ZFHX3: variants seen among roughly 807,000 people sequenced by gnomAD.
ZFHX3 encodes zinc finger homeobox 3.
Under a neutral mutation model 279.1 loss-of-function variants are expected in ZFHX3, and 42 were observed. The ratio of observed to expected loss-of-function variants is 0.15; its 90% CI spans 0.12 to 0.19. ZFHX3 has a LOEUF of 0.19. ZFHX3 is among the 10% of genes least tolerant of loss of function. The probability of loss-of-function intolerance (pLI) is 1.00; values close to 1 mark genes in which losing one functional copy is unlikely to be tolerated. For missense variants in ZFHX3, 4,981 were observed against 4,754.0 expected (o/e 1.05, Z -1.40); for synonymous variants, 2,293 against 1,957.8 (o/e 1.17, Z -4.52).
intron 1 of ZFHX3, among the ~76,000 whole-genome samples, chr16:73,763,625 A>T (rs996145430): frequency 6.6e-6 from 1 of 152,182 alleles, no homozygotes; most frequent in Non-Finnish European, 1.5e-5. Context: ...TCACACTCTC[A>T]TATAACTCCC....
At chr16:73,806,640 C>G (rs1200443018) in intron 1 of ZFHX3, among the ~76,000 whole-genome samples, 1 of 152,174 alleles carries the variant, frequency 6.6e-6, no homozygotes, top group Non-Finnish European at 1.5e-5. Context: ...AATGTGCCAT[C>G]CCATGCTAAG....
At chr16:73,234,890 A>G (rs1298607722) in intron 5 of ZFHX3, among the ~76,000 whole-genome samples, 1 of 152,152 alleles carries the variant, frequency 6.6e-6, no homozygotes, top group Admixed American at 6.5e-5. Flanking sequence ...GCCTTCCCCA[A>G]AGATAGTACT....
chr16:73,809,705 G>T (rs1008369823), intron 1 of ZFHX3: 3 of 152,194 alleles, frequency 2.0e-5, no homozygotes, highest in Non-Finnish European at 4.4e-5. Flanking sequence ...TGCTGAACAT[G>T]CATGGAATAA....
chr16:73,577,072 T>G (rs560888740), intron 2 of ZFHX3, among the ~76,000 whole-genome samples: 13 of 152,348 alleles, frequency 8.5e-5, no homozygotes, highest in African/African-American at 2.6e-4. Context: ...CACAAAATTT[T>G]ACTGGCTCTG....
intron 3 of ZFHX3, among the ~76,000 whole-genome samples, chr16:72,921,352 GA>G (rs2039578956): frequency 6.6e-6 from 1 of 152,152 alleles, no homozygotes; most frequent in Admixed American, 6.5e-5. Context: ...ACCCCATGGC[GA>G]AAAATGCTTG....
At chr16:72,789,666 G>T (rs1374451372) in intron 9 of ZFHX3, 3 of 152,356 alleles carry the variant, frequency 2.0e-5, no homozygotes, top group Non-Finnish European at 2.9e-5. Flanking sequence ...GGAAGGGCCT[G>T]GGAAGAAATA....
chr16:73,750,219 TC>T (rs1235821719), intron 1 of ZFHX3, among the ~76,000 whole-genome samples: 1 of 152,152 alleles, frequency 6.6e-6, no homozygotes, highest in African/African-American at 2.4e-5. Flanking sequence ...GCTGGATGGA[TC>T]TTTTTGTATC....
chr16:73,805,178 T>C (rs1261183188), intron 1 of ZFHX3, among the ~76,000 whole-genome samples: 1 of 152,172 alleles, frequency 6.6e-6, no homozygotes, highest in Non-Finnish European at 1.5e-5. Context: ...TATTATATTT[T>C]ATTTTTTGAG....
At chr16:73,718,988 T>C (rs930698342) in intron 1 of ZFHX3, among the ~76,000 whole-genome samples, 2 of 152,206 alleles carry the variant, frequency 1.3e-5, no homozygotes, top group African/African-American at 4.8e-5. Context: ...GGGTAAGGTT[T>C]AAGTTCCATT....
intron 2 of ZFHX3, among the ~76,000 whole-genome samples, chr16:73,660,626 G>A (rs1176598226): frequency 6.6e-6 from 1 of 151,892 alleles, no homozygotes; most frequent in Non-Finnish European, 1.5e-5. Flanking sequence ...TGGCTCATAA[G>A]GGATACTACA....
chr16:73,410,719 C>T (rs2017448980), intron 3 of ZFHX3, among the ~76,000 whole-genome samples: 1 of 152,160 alleles, frequency 6.6e-6, no homozygotes, highest in African/African-American at 2.4e-5. Context: ...AGGAAGGACC[C>T]AACAAGAGAG....
intron 2 of ZFHX3, among the ~76,000 whole-genome samples, chr16:73,619,217 G>C (rs1003867629): frequency 7.2e-5 from 11 of 152,176 alleles, no homozygotes; most frequent in South Asian, 2.1e-4. Context: ...GGCCGGGTGC[G>C]GTGGCTCATG....
At chr16:72,932,304 C>G (rs1358649573) in intron 3 of ZFHX3, among the ~76,000 whole-genome samples, 1 of 152,128 alleles carries the variant, frequency 6.6e-6, no homozygotes, top group East Asian at 1.9e-4. Context: ...ACATCATTTC[C>G]TTCTCACAAC....
intron 2 of ZFHX3, among the ~76,000 whole-genome samples, chr16:73,594,950 G>A (rs2052033981): frequency 6.6e-6 from 1 of 152,088 alleles, no homozygotes; most frequent in Non-Finnish European, 1.5e-5. Flanking sequence ...TATAACTCAG[G>A]TATGGCCCCA....
intron 1 of ZFHX3, among the ~76,000 whole-genome samples, chr16:73,698,734 T>A (rs2053220209): frequency 6.6e-6 from 1 of 152,130 alleles, no homozygotes; most frequent in South Asian, 2.1e-4. Context: ...AGTTAAGGCC[T>A]GAGGAAATGT....
chr16:73,876,845 C>T (rs2029963577), intron 1 of ZFHX3, among the ~76,000 whole-genome samples: 1 of 152,062 alleles, frequency 6.6e-6, no homozygotes, highest in Non-Finnish European at 1.5e-5. Flanking sequence ...CCTTTCTCCA[C>T]CACCTTCACA....
At position 73,092,490 on chromosome 16, in the gene ZFHX3, C is replaced by A. The variant is rs902760898; in HGVS notation, c.-533+745G>T. On this transcript the variant is annotated intron_variant, in intron 8 of 17. Coordinates refer to the ZFHX3 transcript ENST00000641206. Reference sequence around the variant, plus strand: ...GACAACTGTGGGGAGAGCAAAGGGCCGGGGAGAGAAAGGCCTCATTCTCAC... The same window carrying A: ...GACAACTGTGGGGAGAGCAAAGGGCAGGGGAGAGAAAGGCCTCATTCTCAC... 1.0e-4 allele frequency: 16 copies of A among 158,566 alleles called. 1 individual carries two copies. The Middle Eastern group carries it at 0.013, about 130-fold the overall frequency. 9.8% of individuals were successfully genotyped at this position (158,566 alleles called of 1,614,324 possible). A position where few individuals can be genotyped will look rare whatever the true frequency, so the allele number is the denominator to read the frequency against.
intron 3 of ZFHX3, chr16:73,400,073 G>T (rs906170039): frequency 1.4e-5 from 2 of 139,642 alleles, no homozygotes; most frequent in African/African-American, 2.8e-5. Flanking sequence ...TGTCAAATCT[G>T]TAAAAAAAAA....
rs553683144 is a variant in ZFHX3, at chr16:72,805,103, G to A, written c.3865-4974C>T. 2.5e-3 allele frequency among the ~76,000 whole-genome samples: 387 copies of A among 152,026 alleles called. 4 individuals are homozygous for A. Among genetic ancestry groups the A allele is most frequent in the African/African-American group, 8.7e-3 (360 of 41,466 alleles). ...AGTGATTCTTCTGCCTCAGCCTCCC[G>A]AGTAGCTGGGATTACAGATGTGCAC... is the stretch of plus-strand genomic sequence containing the variant. On this transcript the variant is annotated intron_variant, in intron 7 of 9. Coordinates refer to ENST00000268489, the MANE Select transcript of ZFHX3 (RefSeq NM_006885.4).
Sources: allele counts gnomAD v4.1 joint callset (sites outside exome capture counted in the v4.1 genomes callset), GRCh38; gene constraint gnomAD v4.1.1; transcripts MANE v1.5; gene names NCBI Gene and HGNC (gene_info 2026-07-23, HGNC 2026-07-21).